Variants in PGAP4 observed in about 807,000 individuals in gnomAD.
PGAP4 encodes post-GPI attachment to proteins GalNAc transferase 4.
Under a neutral mutation model 28.2 loss-of-function variants are expected in PGAP4, and 12 were observed. The observed-to-expected ratio is 0.42, with a 90% CI of 0.27 to 0.69. PGAP4 has a LOEUF of 0.69. Among genes scored for constraint, PGAP4 ranks in the 30% least tolerant of loss-of-function variants. PGAP4 has a pLI of 0.22. For synonymous variants in PGAP4, 205 were observed against 211.8 expected, an observed-to-expected ratio of 0.97 and a Z score of 0.28; for missense variants, 425 against 513.5, an observed-to-expected ratio of 0.83 and a Z score of 1.67.
At chr9:101,528,658 C>T (rs569518883) in intron 2 of PGAP4, among the ~76,000 whole-genome samples, 56 of 152,088 alleles carry the variant, frequency 3.7e-4, no homozygotes, top group Non-Finnish European at 7.1e-4. Context: ...GACAACCTGG[C>T]TTCTGCTTTC....
chr9:101,504,209 GTTTTTTTTTT>G (rs3081858), intron 2 of PGAP4, among the ~76,000 whole-genome samples: 12 of 22,692 alleles, frequency 5.3e-4, no homozygotes, highest in South Asian at 3.7e-3. Context: ...GTGTGTGTTT[GTTTTTTTTTT>G]TTTTTTTTTT....
intron 2 of PGAP4, among the ~76,000 whole-genome samples, chr9:101,504,885 G>A (rs1826836483): frequency 1.3e-5 from 2 of 152,024 alleles, no homozygotes; most frequent in South Asian, 4.1e-4. Flanking sequence ...GCATTGGGTT[G>A]GGCACCAAAA....
intron 2 of PGAP4, among the ~76,000 whole-genome samples, chr9:101,527,894 A>C (rs779188956): frequency 2.6e-5 from 4 of 152,164 alleles, no homozygotes; most frequent in Admixed American, 6.5e-5. Flanking sequence ...TTAGTGATCC[A>C]TCTCATCATC....
chr9:101,489,507 A>G (rs1009520563), upstream of PGAP4, among the ~76,000 whole-genome samples: 2 of 152,256 alleles, frequency 1.3e-5, no homozygotes, highest in African/African-American at 4.8e-5. Context: ...GGAAACAGTG[A>G]TTAAAACAAC....
At chr9:101,502,873 C>T (rs1826815729) in intron 2 of PGAP4, among the ~76,000 whole-genome samples, 1 of 151,918 alleles carries the variant, frequency 6.6e-6, no homozygotes, top group Middle Eastern at 3.2e-3. Flanking sequence ...GCACTTTGGG[C>T]CAAAAGTTCC....
upstream of PGAP4, among the ~76,000 whole-genome samples, chr9:101,490,066 C>G (rs1249306730): frequency 6.6e-6 from 1 of 152,196 alleles, no homozygotes; most frequent in Non-Finnish European, 1.5e-5. Flanking sequence ...TCATAGCTTT[C>G]TTCTTCCACT....
At chr9:101,521,948 C>T (rs554221593) in intron 2 of PGAP4, among the ~76,000 whole-genome samples, 1 of 152,186 alleles carries the variant, frequency 6.6e-6, no homozygotes, top group African/African-American at 2.4e-5. Context: ...TTTTAAATTT[C>T]CATCTTGATT....
At chr9:101,477,923 G>GC (rs1288976797) in intron 1 of PGAP4, among the ~76,000 whole-genome samples, 3 of 152,080 alleles carry the variant, frequency 2.0e-5, no homozygotes, top group African/African-American at 4.8e-5. Context: ...GAGGGAGCGG[G>GC]GGGGGAAAGG....
At chr9:101,529,165 T>C (rs1169963940) in intron 2 of PGAP4, among the ~76,000 whole-genome samples, 1 of 151,904 alleles carries the variant, frequency 6.6e-6, no homozygotes, top group Non-Finnish European at 1.5e-5. Flanking sequence ...TTTTTTTTTT[T>C]TTTTCTTGAA....
intron 2 of PGAP4, chr9:101,501,806 G>A (rs1826803620): frequency 1.9e-6 from 1 of 513,124 alleles, no homozygotes; most frequent in Non-Finnish European, 3.9e-6. Flanking sequence ...ATACAGTGCT[G>A]CTCTAGTACC....
chr9:101,529,980 A>G (rs1827073378), intron 2 of PGAP4, among the ~76,000 whole-genome samples: 1 of 152,270 alleles, frequency 6.6e-6, no homozygotes, highest in Non-Finnish European at 1.5e-5. Flanking sequence ...CATGCTAAGT[A>G]AAATACAACT....
At chr9:101,520,681 C>T (rs1826981725) in intron 2 of PGAP4, among the ~76,000 whole-genome samples, 1 of 152,146 alleles carries the variant, frequency 6.6e-6, no homozygotes, top group African/African-American at 2.4e-5. Context: ...AGTTTGACTT[C>T]CTCTTTACCG....
At chr9:101,500,089 T>A (rs1253573513) in intron 2 of PGAP4, among the ~76,000 whole-genome samples, 1 of 152,060 alleles carries the variant, frequency 6.6e-6, no homozygotes, top group African/African-American at 2.4e-5. Context: ...ATGTTTTGCA[T>A]GTATTTGTTT....
At chr9:101,482,704 G>T (rs1383766267) in intron 1 of PGAP4, among the ~76,000 whole-genome samples, 1 of 152,114 alleles carries the variant, frequency 6.6e-6, no homozygotes, top group African/African-American at 2.4e-5. Flanking sequence ...CAACCATCAA[G>T]AATTAGCTCA....
chr9:101,533,034 CG>C lies in PGAP4; in HGVS notation c.-735del, dbSNP rs1237383955. On this transcript the variant is annotated 5_prime_UTR_variant, in exon 1 of 4. Transcript: ENST00000374851. Reference sequence around the variant, plus strand: ...TTCATTAATAGGTTAGATTAATTACCGTCCTATCATTAAAACGCATTTAGTT... The same window carrying C: ...TTCATTAATAGGTTAGATTAATTACCTCCTATCATTAAAACGCATTTAGTT... 3.9e-5 allele frequency: 6 copies of C among 152,144 alleles called. No individual in the cohort carries two copies. The South Asian group carries it at 1.2e-3, about 32-fold the overall frequency. 9.4% of individuals were successfully genotyped at this position (152,144 alleles called of 1,614,324 possible). A position where few individuals can be genotyped will look rare whatever the true frequency, so the allele number is the denominator to read the frequency against.
chr9:101,530,111 GA>G (rs1222263487), intron 2 of PGAP4, among the ~76,000 whole-genome samples: 1 of 152,158 alleles, frequency 6.6e-6, no homozygotes, highest in Non-Finnish European at 1.5e-5. Flanking sequence ...AAGCAGTGTA[GA>G]AAAAAACAAT....
intron 2 of PGAP4, among the ~76,000 whole-genome samples, chr9:101,514,984 A>G (rs1826931316): frequency 6.6e-6 from 1 of 152,182 alleles, no homozygotes; most frequent in African/African-American, 2.4e-5. Context: ...ATGTACATAT[A>G]TGTGATGCTA....
upstream of PGAP4, among the ~76,000 whole-genome samples, chr9:101,491,825 A>ATATATT (rs957538728): frequency 1.0e-4 from 9 of 86,056 alleles, no homozygotes; most frequent in Admixed American, 2.3e-4. Flanking sequence ...ATATATATAT[A>ATATATT]TATATATATA....
Position 101,477,132 on chromosome 9 carries a change from C to G in PGAP4, c.-40G>C. 6.6e-7 allele frequency: 1 copy of G among 1,516,554 alleles called. No homozygotes were observed. Among genetic ancestry groups the G allele is most frequent in the Non-Finnish European group, 8.8e-7 (1 of 1,135,368 alleles). The allele number at this position is 1,516,554 out of a possible 1,614,324, so 93.9% of individuals were successfully genotyped here. On this transcript the variant is annotated 5_prime_UTR_variant, in exon 2 of 2. An upstream start codon of the reference 5' UTR is lost. Coordinates refer to ENST00000374848, the MANE Select transcript of PGAP4 (RefSeq NM_032342.3). ...TTCATGTCTGGTCCCAAGAAAAAAC[C>G]ATCCTGGAACTCAGGCCAGAGTCAT... is the stretch of plus-strand genomic sequence containing the variant.
Sources: gnomAD v4.1 joint callset for allele counts (sites outside exome capture counted in the v4.1 genomes callset) on GRCh38, gnomAD v4.1.1 for gene constraint, MANE v1.5 for transcripts, NCBI Gene and HGNC (gene_info 2026-07-23, HGNC 2026-07-21) for gene names.